The following MYO16 variants were observed in gnomAD, a reference collection of about 807,000 sequenced individuals.
MYO16 encodes unconventional myosin-XVI.
In MYO16, 94 loss-of-function variants were observed where a neutral mutation model predicts 205.3. The observed-to-expected ratio is 0.46, with a 90% CI of 0.39 to 0.54. The LOEUF (loss-of-function observed/expected upper bound fraction) is 0.54. Among genes scored for constraint, MYO16 ranks in the 20% least tolerant of loss-of-function variants. MYO16 has a pLI of 0.00. For synonymous variants in MYO16, 988 were observed against 954.0 expected, an observed-to-expected ratio of 1.04 and a Z score of -0.66; for missense variants, 2,315 against 2,387.5, an observed-to-expected ratio of 0.97 and a Z score of 0.63.
At chr13:108,949,614 AGGTTTAGTG>A (rs1883064686) in intron 16 of MYO16, among the ~76,000 whole-genome samples, 2 of 152,350 alleles carry the variant, frequency 1.3e-5, no homozygotes, top group South Asian at 4.1e-4. Flanking sequence ...GGTGATTTAT[AGGTTTAGTG>A]TAATTCCTGT....
chr13:108,901,897 AG>A, intron 15 of MYO16, among the ~76,000 whole-genome samples: 1 of 152,342 alleles, frequency 6.6e-6, no homozygotes, highest in African/African-American at 2.4e-5. Context: ...AGTGCCCTGA[AG>A]GGGTGAGACT....
chr13:109,201,491 C>CAAAAAAAAA (rs3042152), intron 34 of MYO16: 1,008 of 97,242 alleles, frequency 0.01, 68 homozygotes, highest in African/African-American at 0.037. Context: ...TCGTCTTCTA[C>CAAAAAAAAA]AAAAAAAAAA....
At chr13:109,173,042 G>A (rs1878984849) in intron 33 of MYO16, among the ~76,000 whole-genome samples, 1 of 152,224 alleles carries the variant, frequency 6.6e-6, no homozygotes, top group Admixed American at 6.5e-5. Context: ...GAATATCTGG[G>A]TGGAGTTCAG....
intron 2 of MYO16, among the ~76,000 whole-genome samples, chr13:108,697,012 A>G (rs568841319): frequency 1.3e-5 from 2 of 151,438 alleles, no homozygotes; most frequent in South Asian, 4.2e-4. Context: ...CCTTCTACTC[A>G]TCTTCCATGA....
At chr13:109,170,880 G>C (rs1281541360) in intron 33 of MYO16, among the ~76,000 whole-genome samples, 1 of 152,180 alleles carries the variant, frequency 6.6e-6, no homozygotes, top group Admixed American at 6.5e-5. Context: ...ACAGATTTCT[G>C]TGTTCTCCCT....
chr13:108,715,965 CT>C (rs2139559084), intron 3 of MYO16, among the ~76,000 whole-genome samples: 2 of 151,976 alleles, frequency 1.3e-5, no homozygotes, highest in African/African-American at 4.8e-5. Context: ...GTCTTGGATA[CT>C]TTTCTTAGCA....
At chr13:108,813,680 A>T (rs186262406) in intron 7 of MYO16, among the ~76,000 whole-genome samples, 1 of 152,148 alleles carries the variant, frequency 6.6e-6, no homozygotes, top group Non-Finnish European at 1.5e-5. Context: ...GTTTCCTTTT[A>T]TACAGACACA....
intron 31 of MYO16, among the ~76,000 whole-genome samples, chr13:109,138,511 TATATTTA>T (rs1876884295): frequency 6.6e-6 from 1 of 152,176 alleles, no homozygotes. Flanking sequence ...GTTTTAAACT[TATATTTA>T]AGTAGTTTTG....
chr13:108,919,085 C>G (rs1455736773), intron 16 of MYO16, among the ~76,000 whole-genome samples: 1 of 152,222 alleles, frequency 6.6e-6, no homozygotes, highest in Non-Finnish European at 1.5e-5. Flanking sequence ...TACTCAGGCT[C>G]TTTTCAGAGT....
chr13:108,984,986 C>G (rs1220150610), intron 20 of MYO16, among the ~76,000 whole-genome samples: 1 of 152,184 alleles, frequency 6.6e-6, no homozygotes, highest in African/African-American at 2.4e-5. Context: ...ATAATACTGA[C>G]ATTAATATTT....
chr13:108,664,194 A>G (rs1449993264), intron 1 of MYO16, among the ~76,000 whole-genome samples: 2 of 152,220 alleles, frequency 1.3e-5, no homozygotes, highest in Non-Finnish European at 2.9e-5. Flanking sequence ...AAAACATATG[A>G]TACTAAAACG....
At chr13:108,962,367 G>A in intron 18 of MYO16, 57 bp from the exon 19 acceptor site, 1 of 1,385,856 alleles carries the variant, frequency 7.2e-7, no homozygotes, top group Non-Finnish European at 1.0e-6. Flanking sequence ...AAAATTCAAT[G>A]TTCTTGGTAT....
At chr13:108,557,281 A>C in the MYO16 span, among the ~76,000 whole-genome samples, 1 of 152,168 alleles carries the variant, frequency 6.6e-6, no homozygotes, top group South Asian at 2.1e-4. Context: ...CTTTTTATTT[A>C]TTTGTGTCTT....
intron 22 of MYO16, among the ~76,000 whole-genome samples, chr13:109,012,779 G>GTATATATATATATATATATATATATA (rs113007743): frequency 6.8e-6 from 1 of 146,612 alleles, no homozygotes; most frequent in Non-Finnish European, 1.5e-5. Context: ...ATGTGTGTGT[G>GTATATATATATATATATATATATATA]TATATATATA....
chr13:108,531,691 C>T, the MYO16 span, among the ~76,000 whole-genome samples: 2 of 151,144 alleles, frequency 1.3e-5, no homozygotes, highest in Non-Finnish European at 1.5e-5. Context: ...TTGACATATG[C>T]TTTACAAAGC....
At chr13:108,520,263 T>C in the MYO16 span, among the ~76,000 whole-genome samples, 1 of 152,152 alleles carries the variant, frequency 6.6e-6, no homozygotes, top group African/African-American at 2.4e-5. Context: ...AAATTATGCA[T>C]GTGAAATTAT....
rs147646359 is a variant in MYO16 at position 109,112,816 on chromosome 13, C to G, written c.3439-7554C>G. 6.8e-3 allele frequency among the ~76,000 whole-genome samples: 1,028 copies of G among 152,270 alleles called. 32 individuals are homozygous for G. The highest frequency in any genetic ancestry group is 0.011 in the Admixed American group (173 of 15,294). On this transcript the variant is annotated intron_variant, in intron 28 of 34. Transcript: ENST00000457511. ...GGTCATGTTATAGCAAGTGCTTATT[C>G]AAAGCATTTTTTAAAATTCTGCCTT...
chr13:108,794,390 T>A (rs1258137082), intron 6 of MYO16, among the ~76,000 whole-genome samples: 3 of 152,260 alleles, frequency 2.0e-5, no homozygotes, highest in Non-Finnish European at 1.5e-5. Context: ...GGTTGATATA[T>A]TTTCTTCAAG....
chr13:108,727,419 TC>T lies in MYO16; in HGVS notation c.364-19del. ...TCACAGTTTGTAATAATTTGATATT[TC>T]CTTGTATTCTTTCTTTTAGTGTGCT... is the stretch of plus-strand genomic sequence containing the variant. On this transcript the variant is annotated intron_variant, in intron 3 of 34. Transcript: ENST00000457511. The T allele has an allele frequency of 6.2e-7, 1 of 1,607,612 alleles. No homozygotes were observed. The highest frequency in any genetic ancestry group is 1.7e-5 in the Admixed American group (1 of 59,130).
Sources: gnomAD v4.1 joint callset for allele counts (sites outside exome capture counted in the v4.1 genomes callset) on GRCh38, gnomAD v4.1.1 for gene constraint, MANE v1.5 for transcripts, NCBI Gene and HGNC (gene_info 2026-07-23, HGNC 2026-07-21) for gene names.